The following NBAS variants were observed in gnomAD, a reference collection of about 807,000 sequenced individuals.
NBAS encodes NAG/BC035112 fusion.
In NBAS, 219 loss-of-function variants were observed where a neutral mutation model predicts 302.5. That is an observed-to-expected ratio of 0.72 (90% CI 0.65 to 0.81). NBAS has a LOEUF of 0.81. Among genes scored for constraint, NBAS ranks in the 30% least tolerant of loss-of-function variants. The pLI, the probability that NBAS is intolerant of heterozygous loss-of-function variation, is 0.00. For missense variants in NBAS, 2,932 were observed against 2,841.6 expected, an observed-to-expected ratio of 1.03 and a Z score of -0.72; for synonymous variants, 1,118 against 1,021.6, an observed-to-expected ratio of 1.09 and a Z score of -1.80.
intron 51 of NBAS, among the ~76,000 whole-genome samples, chr2:15,170,135 G>A (rs1395703016): frequency 2.6e-5 from 4 of 152,182 alleles, no homozygotes; most frequent in South Asian, 2.1e-4. Flanking sequence ...CTGGGAGCCC[G>A]ACAGTCTCCT....
chr2:15,415,722 G>C lies in NBAS; in HGVS notation c.2764-3C>G. Reference sequence around the variant, plus strand: ...GTCACATATTTATCCTCAGAACACTGAAAGTACAATCAAGCAAAACAGACA... The same window carrying C: ...GTCACATATTTATCCTCAGAACACTCAAAGTACAATCAAGCAAAACAGACA... On this transcript the variant is annotated splice_polypyrimidine_tract_variant and splice_region_variant and intron_variant, in intron 24 of 51. Transcript: ENST00000281513. The C allele has an allele frequency of 6.2e-7, 1 of 1,614,098 alleles. No homozygotes were observed. Among genetic ancestry groups the C allele is most frequent in the South Asian group, 1.1e-5 (1 of 91,078 alleles).
chr2:14,890,478 CTATAAGAATT>C, the NBAS span: 1 of 152,124 alleles, frequency 6.6e-6, no homozygotes, highest in Non-Finnish European at 1.5e-5. Flanking sequence ...TATGTATTAT[CTATAAGAATT>C]TGAAAATTAT....
chr2:14,925,846 G>A, the NBAS span, among the ~76,000 whole-genome samples: 2 of 152,200 alleles, frequency 1.3e-5, no homozygotes, highest in East Asian at 1.9e-4. Flanking sequence ...AAACAGTTAA[G>A]ATGGACTAAG....
intron 48 of NBAS, among the ~76,000 whole-genome samples, chr2:15,212,732 G>A (rs1666472775): frequency 6.6e-6 from 1 of 152,136 alleles, no homozygotes; most frequent in African/African-American, 2.4e-5. Flanking sequence ...AGATCTGATG[G>A]TTTTATAGGA....
chr2:15,202,624 C>T (rs1238169350), intron 48 of NBAS, among the ~76,000 whole-genome samples: 1 of 152,142 alleles, frequency 6.6e-6, no homozygotes, highest in South Asian at 2.1e-4. Context: ...ACTGCAACCT[C>T]CGCCTCCTGG....
chr2:15,109,848 C>G, the NBAS span, among the ~76,000 whole-genome samples: 14 of 152,196 alleles, frequency 9.2e-5, no homozygotes, highest in Admixed American at 8.5e-4. Flanking sequence ...GGGACACAAG[C>G]ATTCAGTCCC....
chr2:15,046,700 C>A, the NBAS span, among the ~76,000 whole-genome samples: 1 of 152,168 alleles, frequency 6.6e-6, no homozygotes, highest in Non-Finnish European at 1.5e-5. Flanking sequence ...GAGTCAGTTG[C>A]AGGCAGCGGG....
intron 51 of NBAS, among the ~76,000 whole-genome samples, chr2:15,173,535 C>T (rs1442604318): frequency 5.3e-5 from 8 of 152,114 alleles, no homozygotes; most frequent in Admixed American, 2.0e-4. Flanking sequence ...AAAAGGACAA[C>T]GTAAGTATAC....
chr2:14,785,790 G>T, the NBAS span, among the ~76,000 whole-genome samples: 2 of 151,944 alleles, frequency 1.3e-5, no homozygotes, highest in African/African-American at 2.4e-5. Context: ...TCTTTTTTTG[G>T]TTGTGTCTCT....
At chr2:15,529,467 G>A (rs192155895) in intron 9 of NBAS, among the ~76,000 whole-genome samples, 34 of 152,154 alleles carry the variant, frequency 2.2e-4, no homozygotes, top group African/African-American at 7.5e-4. Flanking sequence ...ACTCCAGCGC[G>A]GGTGACAGAG....
chr2:15,520,919 A>G (rs1159969614), intron 9 of NBAS, among the ~76,000 whole-genome samples: 1 of 152,250 alleles, frequency 6.6e-6, no homozygotes. Context: ...AGGTTTCTCT[A>G]CATACACAAT....
chr2:15,224,338 G>A (rs1300892634), intron 47 of NBAS, among the ~76,000 whole-genome samples: 1 of 152,132 alleles, frequency 6.6e-6, no homozygotes, highest in Non-Finnish European at 1.5e-5. Flanking sequence ...GGTTCTGCAT[G>A]GCATACACAT....
At chr2:15,155,454 C>A in the NBAS span, among the ~76,000 whole-genome samples, 630 of 152,268 alleles carry the variant, frequency 4.1e-3, 3 homozygotes, top group Middle Eastern at 0.014. Flanking sequence ...GATTCTGTTT[C>A]CCATCTAAGG....
chr2:15,336,711 C>A (rs1672601687), intron 35 of NBAS, among the ~76,000 whole-genome samples: 1 of 150,746 alleles, frequency 6.6e-6, no homozygotes, highest in African/African-American at 2.5e-5. Context: ...GTCTGGGCGA[C>A]AGAACAAGAC....
intron 44 of NBAS, among the ~76,000 whole-genome samples, chr2:15,245,009 C>T (rs1007724655): frequency 1.3e-5 from 2 of 152,102 alleles, no homozygotes; most frequent in African/African-American, 4.8e-5. Flanking sequence ...GAGGAGACCC[C>T]AAGTGGGTAC....
intron 30 of NBAS, among the ~76,000 whole-genome samples, chr2:15,378,410 T>C (rs1021150511): frequency 3.9e-5 from 6 of 152,174 alleles, no homozygotes; most frequent in African/African-American, 1.4e-4. Context: ...AACAGCAGCG[T>C]ATCAGTCAGC....
the NBAS span, among the ~76,000 whole-genome samples, chr2:14,888,122 C>CTGTA: frequency 2.0e-5 from 3 of 151,948 alleles, no homozygotes; most frequent in South Asian, 6.2e-4. Context: ...CGTTTTATCC[C>CTGTA]TTTATTTATT....
intron 11 of NBAS, among the ~76,000 whole-genome samples, chr2:15,494,591 T>C (rs1258556020): frequency 1.3e-5 from 2 of 152,318 alleles, no homozygotes; most frequent in South Asian, 2.1e-4. Context: ...ATTTAATTCT[T>C]CTAACTAGTA....
the NBAS span, among the ~76,000 whole-genome samples, chr2:14,834,661 G>A: frequency 6.6e-6 from 1 of 152,088 alleles, no homozygotes; most frequent in Admixed American, 6.6e-5. Flanking sequence ...ACAAGGGTAG[G>A]AGGTAGGAGA....
Sources: gnomAD v4.1 joint callset for allele counts (sites outside exome capture counted in the v4.1 genomes callset) on GRCh38, gnomAD v4.1.1 for gene constraint, MANE v1.5 for transcripts, NCBI Gene and HGNC (gene_info 2026-07-23, HGNC 2026-07-21) for gene names.